Variants in TRIM16 observed in about 807,000 individuals in gnomAD.
TRIM16 encodes the protein tripartite motif-containing protein 16.
In TRIM16, 33 loss-of-function variants were observed where a neutral mutation model predicts 50.4. The ratio of observed to expected loss-of-function variants is 0.65; its 90% CI spans 0.50 to 0.88. TRIM16 has a LOEUF of 0.88. Ranked by LOEUF, TRIM16 falls within the 40% of genes least tolerant of loss-of-function variation. The pLI is 0.00. For missense variants in TRIM16, 581 were observed against 686.8 expected (o/e 0.85, Z 1.72); for synonymous variants, 229 against 270.7 (o/e 0.85, Z 1.51).
At chr17:15,683,401 T>G in intron 1 of TRIM16, 3 of 369,390 alleles carry the variant, frequency 8.1e-6, no homozygotes, top group Non-Finnish European at 1.0e-5. Flanking sequence ...CAGACAACAG[T>G]AAGGATACTG....
intron 6 of TRIM16, chr17:15,675,355 T>C (rs1170084883): frequency 1.2e-5 from 2 of 160,624 alleles, no homozygotes; most frequent in Admixed American, 1.3e-4. Flanking sequence ...AGAGTCTGAG[T>C]GGATTTGTCC....
At chr17:15,666,028 C>T (rs928587649) in intron 6 of TRIM16, among the ~76,000 whole-genome samples, 2 of 152,124 alleles carry the variant, frequency 1.3e-5, no homozygotes, top group African/African-American at 2.4e-5. Flanking sequence ...CCTCTCTTTC[C>T]GTCACAACCC....
intron 6 of TRIM16, among the ~76,000 whole-genome samples, chr17:15,653,500 G>A (rs1172598018): frequency 6.6e-6 from 1 of 152,158 alleles, no homozygotes; most frequent in Non-Finnish European, 1.5e-5. Flanking sequence ...CAAGTCACTG[G>A]CAGGGATGCT....
intron 6 of TRIM16, among the ~76,000 whole-genome samples, chr17:15,661,124 C>A (rs1198518934): frequency 6.6e-6 from 1 of 152,178 alleles, no homozygotes; most frequent in African/African-American, 2.4e-5. Flanking sequence ...CACCTTTTAG[C>A]TGTGTGACCT....
intron 6 of TRIM16, among the ~76,000 whole-genome samples, chr17:15,655,192 C>T (rs1987915774): frequency 6.6e-6 from 1 of 152,114 alleles, no homozygotes; most frequent in African/African-American, 2.4e-5. Context: ...TCAGAGTGAC[C>T]TGGTACTGGA....
chr17:15,634,184 C>T (rs1208303834), intron 9 of TRIM16, among the ~76,000 whole-genome samples: 2 of 148,230 alleles, frequency 1.3e-5, no homozygotes, highest in Admixed American at 1.3e-4. Context: ...AAAAAATTAG[C>T]CGGGCGCGGT....
chr17:15,660,180 A>G (rs956232485), intron 6 of TRIM16, among the ~76,000 whole-genome samples: 1 of 152,186 alleles, frequency 6.6e-6, no homozygotes, highest in African/African-American at 2.4e-5. Flanking sequence ...TTTTTAAACA[A>G]TAAGTAAGGA....
Position 15,628,795 on chromosome 17 carries a change from G to T in TRIM16, c.1515C>A (p.Ile505=), listed in dbSNP as rs1270498142. The T allele has an allele frequency of 6.2e-7, 1 of 1,614,206 alleles. No homozygotes were observed. Residue 505 remains isoleucine, a synonymous_variant, in exon 12 of 12, where the codon ATC becomes ATA. Coordinates refer to ENST00000649191, the MANE Select transcript of TRIM16 (RefSeq NM_001348119.1). The stretch of plus-strand genomic sequence containing the variant: ...CATACTCTACGCCATAGAAGGAAAG[G>T]ATCCCTCCCGGGAAGTCGATATAGA... ...LGVYIDFPGG[I]LSFYGVEYDT...
intron 6 of TRIM16, among the ~76,000 whole-genome samples, chr17:15,669,537 G>T (rs970736961): frequency 6.6e-6 from 1 of 152,042 alleles, no homozygotes; most frequent in Non-Finnish European, 1.5e-5. Flanking sequence ...ATTTCAAGGG[G>T]GAACTCAGGA....
intron 7 of TRIM16, among the ~76,000 whole-genome samples, chr17:15,648,811 C>G (rs1219563474): frequency 6.6e-6 from 1 of 152,236 alleles, no homozygotes; most frequent in African/African-American, 2.4e-5. Flanking sequence ...TGTGGCTACA[C>G]TTACAGAGTA....
At chr17:15,657,162 C>T (rs1288264793) in intron 6 of TRIM16, among the ~76,000 whole-genome samples, 1 of 152,132 alleles carries the variant, frequency 6.6e-6, no homozygotes, top group Non-Finnish European at 1.5e-5. Context: ...ACATAAAATA[C>T]AAATAACATA....
intron 6 of TRIM16, among the ~76,000 whole-genome samples, chr17:15,676,513 C>T (rs949991779): frequency 2.0e-5 from 3 of 150,452 alleles, no homozygotes; most frequent in African/African-American, 7.4e-5. Flanking sequence ...CGGCTCGCTG[C>T]AAGCCCCACC....
In TRIM16 at chr17:15,631,631, G is replaced by A. The variant is rs763740574; in HGVS notation, c.1099C>T (p.Gln367Ter). Reference protein sequence around the residue: ...TSKPEPSTREQFLQYAYDITF... With the variant: ...TSKPEPSTRE ...GTTCACAACTTACATTGGAGGAACT[G>A]TTCCCTGGTGCTGGGCTCAGGTTTG... The change falls in exon 11 of 12, where the codon CAG (glutamine) becomes TAG (stop). Residue 367 changes from glutamine (Q) to a stop codon, truncating the protein, a stop_gained. Coordinates refer to ENST00000649191, the MANE Select transcript of TRIM16 (RefSeq NM_001348119.1). LOFTEE classifies it high-confidence loss of function. 2.5e-6 allele frequency: 4 copies of A among 1,613,956 alleles called. No homozygotes were observed. In the East Asian group the frequency reaches 6.7e-5, roughly 27 times the overall value.
chr17:15,667,417 T>C (rs1407391999), intron 6 of TRIM16, among the ~76,000 whole-genome samples: 1 of 152,242 alleles, frequency 6.6e-6, no homozygotes, highest in Non-Finnish European at 1.5e-5. Flanking sequence ...AATTTCATTA[T>C]ATCTCAACTC....
chr17:15,646,622 C>T (rs544109972), intron 7 of TRIM16, among the ~76,000 whole-genome samples: 39 of 146,196 alleles, frequency 2.7e-4, no homozygotes, highest in Admixed American at 1.2e-3. Context: ...CCTTCTGCTA[C>T]AGGGCAAAGG....
At chr17:15,675,756 T>TAC in intron 6 of TRIM16, 1 of 164,650 alleles carries the variant, frequency 6.1e-6, no homozygotes, top group African/African-American at 2.4e-5. Flanking sequence ...TATGTGTATG[T>TAC]ATACATACGT....
chr17:15,679,936 C>A (rs76451214), intron 4 of TRIM16, among the ~76,000 whole-genome samples: 283 of 128,398 alleles, frequency 2.2e-3, no homozygotes, highest in South Asian at 3.0e-3. Flanking sequence ...GACTATGTCT[C>A]AAAAAAAAAA....
At chr17:15,668,152 G>A (rs1305873840) in intron 6 of TRIM16, among the ~76,000 whole-genome samples, 4 of 152,100 alleles carry the variant, frequency 2.6e-5, no homozygotes, top group South Asian at 2.1e-4. Context: ...CCTCCACTCC[G>A]TGGGACCACT....
At chr17:15,661,638 T>C (rs944904614) in intron 6 of TRIM16, among the ~76,000 whole-genome samples, 1 of 151,882 alleles carries the variant, frequency 6.6e-6, no homozygotes, top group African/African-American at 2.4e-5. Context: ...TGAAGTATAA[T>C]ATATTGTTTG....
Sources: allele counts gnomAD v4.1 joint callset (sites outside exome capture counted in the v4.1 genomes callset), GRCh38; gene constraint gnomAD v4.1.1; transcripts MANE v1.5; gene names NCBI Gene and HGNC (gene_info 2026-07-23, HGNC 2026-07-21).